Variants in GLIS1 observed in about 807,000 individuals in gnomAD.
GLIS1 encodes the protein GLIS family zinc finger 1, also known as zinc finger protein GLIS1.
Under a neutral mutation model 63.8 loss-of-function variants are expected in GLIS1, and 24 were observed. The ratio of observed to expected loss-of-function variants is 0.38; its 90% CI spans 0.27 to 0.53. GLIS1 has a LOEUF of 0.53. Ranked by LOEUF, GLIS1 falls within the 20% of genes least tolerant of loss-of-function variation. The pLI is 0.85. For missense variants in GLIS1, 1,036 were observed against 1,074.1 expected (o/e 0.96, Z 0.50); for synonymous variants, 450 against 482.5 (o/e 0.93, Z 0.88).
intron 2 of GLIS1, among the ~76,000 whole-genome samples, chr1:53,609,621 C>G (rs748248010): frequency 1.3e-5 from 2 of 152,176 alleles, no homozygotes; most frequent in Non-Finnish European, 2.9e-5. Flanking sequence ...TTCTTACCTT[C>G]TTTCAAATTA....
At chr1:53,734,920 T>A (rs879508232) in intron 2 of GLIS1, among the ~76,000 whole-genome samples, 1 of 152,226 alleles carries the variant, frequency 6.6e-6, no homozygotes, top group South Asian at 2.1e-4. Context: ...TAAACGGGAC[T>A]CTGCCATAAA....
In GLIS1 at chr1:53,646,115, T is replaced by C. The variant is rs1230539411; in HGVS notation, c.260-45837A>G. On this transcript the variant is annotated intron_variant, in intron 2 of 10. Coordinates refer to ENST00000628545, the MANE Select transcript of GLIS1 (RefSeq NM_001367484.1). The surrounding 1 kb of genome is among the most constrained non-coding windows in gnomAD (Gnocchi z 4.2). ...ATACCGAATAAAGTTCAAAATCCAC[T>C]AAAATGGAATATATTGTTTAGGCAC... 6.6e-6 allele frequency among the ~76,000 whole-genome samples: 1 copy of C among 152,218 alleles called. No homozygotes were observed. Among genetic ancestry groups the C allele is most frequent in the Non-Finnish European group, 1.5e-5 (1 of 68,032 alleles).
intron 2 of GLIS1, among the ~76,000 whole-genome samples, chr1:53,689,556 C>T (rs562943005): frequency 6.6e-6 from 1 of 152,244 alleles, no homozygotes; most frequent in South Asian, 2.1e-4. Flanking sequence ...TGCACTGTGA[C>T]CTTTCTGCCT....
At chr1:53,575,828 G>A (rs1645027167) in intron 4 of GLIS1, among the ~76,000 whole-genome samples, 1 of 152,136 alleles carries the variant, frequency 6.6e-6, no homozygotes, top group African/African-American at 2.4e-5. Context: ...AATGCCCTCT[G>A]ATTATGCCGC....
intron 2 of GLIS1, among the ~76,000 whole-genome samples, chr1:53,658,395 T>C (rs954343899): frequency 6.6e-6 from 1 of 152,232 alleles, no homozygotes; most frequent in African/African-American, 2.4e-5. Context: ...CAGGGTTTTA[T>C]TGAATACGTT....
chr1:53,573,607 T>C (rs1036399213), intron 4 of GLIS1, among the ~76,000 whole-genome samples: 1 of 152,180 alleles, frequency 6.6e-6, no homozygotes, highest in African/African-American at 2.4e-5. Flanking sequence ...TCTTGACCCA[T>C]GTAACACGTT....
chr1:53,680,416 G>T (rs935362003), intron 2 of GLIS1, among the ~76,000 whole-genome samples: 4 of 152,184 alleles, frequency 2.6e-5, no homozygotes, highest in African/African-American at 9.7e-5. Flanking sequence ...CCAGTACTGG[G>T]GTGGAAGGGG....
chr1:53,732,829 AT>A (rs1646877017), intron 2 of GLIS1, among the ~76,000 whole-genome samples: 1 of 152,070 alleles, frequency 6.6e-6, no homozygotes, highest in African/African-American at 2.4e-5. Flanking sequence ...CAAACCACAC[AT>A]TATAATTTAA....
At chr1:53,671,735 T>C (rs1010125586) in intron 2 of GLIS1, among the ~76,000 whole-genome samples, 2 of 152,222 alleles carry the variant, frequency 1.3e-5, no homozygotes, top group Admixed American at 1.3e-4. Context: ...AGTACCTATA[T>C]ACATTAGAAT....
intron 4 of GLIS1, among the ~76,000 whole-genome samples, chr1:53,567,025 G>A (rs2091407): frequency 0.041 from 6,303 of 152,264 alleles, 252 homozygotes; most frequent in East Asian, 0.23. Flanking sequence ...GCAGAAGTTG[G>A]AACAATATGG....
intron 2 of GLIS1, among the ~76,000 whole-genome samples, chr1:53,648,181 A>C (rs6687923): frequency 0.49 from 74,415 of 151,974 alleles, 21,464 homozygotes; most frequent in Non-Finnish European, 0.63. Context: ...CTCAAAAAAA[A>C]ATAAAAATTA....
chr1:53,571,377 C>T (rs905555058), intron 4 of GLIS1, among the ~76,000 whole-genome samples: 6 of 152,182 alleles, frequency 3.9e-5, no homozygotes, highest in African/African-American at 1.2e-4. Flanking sequence ...TCTAGGCACA[C>T]ATTCTAGTGA....
chr1:53,559,370 C>T (rs906490260), intron 4 of GLIS1, among the ~76,000 whole-genome samples: 10 of 152,106 alleles, frequency 6.6e-5, no homozygotes, highest in Admixed American at 2.6e-4. Flanking sequence ...AGCACTGTCC[C>T]GGGGTTTTGG....
In GLIS1 at chr1:53,514,761, T is replaced by C; in HGVS notation, c.1747A>G (p.Thr583Ala). The change falls in exon 8 of 11, where the codon ACC becomes GCC. Residue 583 changes from threonine to alanine, a missense_variant. Physicochemically the swap from Thr to Ala is moderately conservative, Grantham distance 58. Around this residue, in one of 3 missense-constraint regions of GLIS1, gnomAD observed 400 missense variants for 400.9 expected, o/e 1.00. Transcript: ENST00000628545. ...LLPGVYPGSI[T>A]PHNGLASGLL... The stretch of plus-strand genomic sequence containing the variant: ...CCCGATGCAAGTCCGTTATGGGGGG[T>C]GATGGAGCCAGGATACACACCTGCA... The C allele has an allele frequency of 1.2e-6, 2 of 1,600,504 alleles. No individual in the cohort carries two copies. Among genetic ancestry groups the C allele is most frequent in the African/African-American group, 2.7e-5 (2 of 74,394 alleles).
At chr1:53,715,681 T>C (rs1478307809) in intron 2 of GLIS1, among the ~76,000 whole-genome samples, 1 of 151,990 alleles carries the variant, frequency 6.6e-6, no homozygotes, top group Admixed American at 6.6e-5. Flanking sequence ...AAGAAGGAGC[T>C]GCCGGTGCAG....
intron 2 of GLIS1, among the ~76,000 whole-genome samples, chr1:53,602,007 G>A (rs1490885930): frequency 6.6e-6 from 1 of 152,152 alleles, no homozygotes; most frequent in Non-Finnish European, 1.5e-5. Context: ...TCATATGGGA[G>A]CCTCCACGTT....
chr1:53,564,928 T>C (rs941967511), intron 4 of GLIS1, among the ~76,000 whole-genome samples: 3 of 151,876 alleles, frequency 2.0e-5, no homozygotes, highest in African/African-American at 4.8e-5. Context: ...TACAGAAAAT[T>C]TGAATAACAC....
intron 2 of GLIS1, among the ~76,000 whole-genome samples, chr1:53,712,394 C>T (rs1646655756): frequency 6.6e-6 from 1 of 152,234 alleles, no homozygotes; most frequent in African/African-American, 2.4e-5. Context: ...GAATGCCTTC[C>T]TCCCTGCTCA....
chr1:53,684,778 C>T (rs1280494792), intron 2 of GLIS1, among the ~76,000 whole-genome samples: 1 of 152,216 alleles, frequency 6.6e-6, no homozygotes, highest in African/African-American at 2.4e-5. Flanking sequence ...AGGCTCCCAG[C>T]ACCCCTACCC....
Sources: gnomAD v4.1 joint callset for allele counts (sites outside exome capture counted in the v4.1 genomes callset) on GRCh38, gnomAD v4.1.1 for gene constraint, gnomAD v4.1.1 regional missense constraint, Gnocchi (gnomAD v3.1) non-coding constraint, MANE v1.5 for transcripts, NCBI Gene and HGNC (gene_info 2026-07-23, HGNC 2026-07-21) for gene names.